The following GRID2 variants were observed in gnomAD, a reference collection of about 807,000 sequenced individuals.
The protein encoded by GRID2 is glutamate ionotropic receptor delta type subunit 2.
GRID2 carries 33 observed loss-of-function variants against 114.8 expected under a neutral mutation model. The ratio of observed to expected loss-of-function variants is 0.29; its 90% CI spans 0.22 to 0.38. The LOEUF is 0.38. Among genes scored for constraint, GRID2 ranks in the 10% least tolerant of loss-of-function variants. GRID2 has a pLI of 1.00. For synonymous variants in GRID2, 505 were observed against 449.9 expected (o/e 1.12, Z -1.55); for missense variants, 1,184 against 1,257.7 (o/e 0.94, Z 0.89).
intron 2 of GRID2, among the ~76,000 whole-genome samples, chr4:92,905,899 TTCAG>T (rs1257255946): frequency 6.6e-6 from 1 of 152,132 alleles, no homozygotes; most frequent in Admixed American, 6.5e-5. Flanking sequence ...ATTTATTAAT[TTCAG>T]TACTGAGTTC....
intron 8 of GRID2, among the ~76,000 whole-genome samples, chr4:93,371,516 G>C (rs1180053040): frequency 6.6e-6 from 1 of 152,028 alleles, no homozygotes; most frequent in African/African-American, 2.4e-5. Context: ...TGAAGGGAAG[G>C]CTCTAACTGG....
chr4:93,003,632 C>G (rs1371280943), intron 2 of GRID2, among the ~76,000 whole-genome samples: 1 of 151,840 alleles, frequency 6.6e-6, no homozygotes, highest in Admixed American at 6.6e-5. Flanking sequence ...ATTAGTCTGG[C>G]CATGTTAATA....
chr4:92,973,578 G>T (rs1753658237), intron 2 of GRID2, among the ~76,000 whole-genome samples: 1 of 152,074 alleles, frequency 6.6e-6, no homozygotes, highest in African/African-American at 2.4e-5. Context: ...AGTGAATTAG[G>T]TTTCGACTGG....
At chr4:93,555,157 G>A (rs1030994478) in intron 13 of GRID2, among the ~76,000 whole-genome samples, 6 of 152,094 alleles carry the variant, frequency 3.9e-5, no homozygotes, top group African/African-American at 1.4e-4. Flanking sequence ...CAGGGCCCTG[G>A]GTTTCAAGCA....
chr4:92,879,440 T>C (rs867069275), intron 2 of GRID2, among the ~76,000 whole-genome samples: 10 of 152,222 alleles, frequency 6.6e-5, no homozygotes, highest in Admixed American at 2.6e-4. Flanking sequence ...CCCTAATAAG[T>C]GCTAAGCAGT....
At chr4:93,091,748 A>C (rs1730810945) in intron 3 of GRID2, among the ~76,000 whole-genome samples, 1 of 152,162 alleles carries the variant, frequency 6.6e-6, no homozygotes, top group Non-Finnish European at 1.5e-5. Flanking sequence ...CTGCATGAAC[A>C]AGCTGTGTCC....
intron 2 of GRID2, among the ~76,000 whole-genome samples, chr4:92,739,419 G>A (rs17324185): frequency 0.27 from 41,752 of 151,962 alleles, 6,286 homozygotes; most frequent in Middle Eastern, 0.49. Context: ...TTAAACATAT[G>A]AGTAACATTT....
At chr4:92,641,202 A>AT (rs915581487) in intron 2 of GRID2, among the ~76,000 whole-genome samples, 194 of 151,778 alleles carry the variant, frequency 1.3e-3, no homozygotes, top group African/African-American at 4.3e-3. Flanking sequence ...ATGACAATTT[A>AT]TTTTTTTACT....
chr4:93,357,508 C>T (rs1761458713), intron 8 of GRID2, among the ~76,000 whole-genome samples: 1 of 151,054 alleles, frequency 6.6e-6, no homozygotes, highest in Non-Finnish European at 1.5e-5. Flanking sequence ...TATTAATTTT[C>T]CTTTTTATAG....
intron 2 of GRID2, among the ~76,000 whole-genome samples, chr4:92,970,968 A>C (rs1753472575): frequency 6.6e-6 from 1 of 151,730 alleles, no homozygotes; most frequent in African/African-American, 2.4e-5. Context: ...GTATATATAC[A>C]TCGTGCGTGT....
intron 3 of GRID2, among the ~76,000 whole-genome samples, chr4:93,101,183 G>A (rs546536948): frequency 6.6e-6 from 1 of 151,782 alleles, no homozygotes; most frequent in Non-Finnish European, 1.5e-5. Flanking sequence ...ATATTTTCAG[G>A]GTACATATGA....
intron 4 of GRID2, among the ~76,000 whole-genome samples, chr4:93,200,429 G>A (rs1340230524): frequency 3.9e-5 from 6 of 152,006 alleles, no homozygotes; most frequent in Non-Finnish European, 8.8e-5. Flanking sequence ...AGCCGGGCGT[G>A]GTAGCGGGCG....
intron 2 of GRID2, among the ~76,000 whole-genome samples, chr4:93,054,466 A>G (rs936364508): frequency 1.3e-5 from 2 of 151,768 alleles, no homozygotes; most frequent in Admixed American, 1.3e-4. Context: ...AAGTCATTGT[A>G]TATTTGTATA....
At chr4:93,188,960 T>G (rs769413539) in intron 4 of GRID2, among the ~76,000 whole-genome samples, 2 of 152,178 alleles carry the variant, frequency 1.3e-5, no homozygotes, top group Non-Finnish European at 2.9e-5. Context: ...AATATTCTGA[T>G]CACAACCATT....
chr4:93,362,659 C>T (rs1270266020), intron 8 of GRID2, among the ~76,000 whole-genome samples: 1 of 151,954 alleles, frequency 6.6e-6, no homozygotes, highest in African/African-American at 2.4e-5. Context: ...ACCCCTTTCT[C>T]ACAACAGAAA....
intron 10 of GRID2, among the ~76,000 whole-genome samples, chr4:93,432,235 A>G (rs1439080458): frequency 1.3e-5 from 2 of 152,210 alleles, no homozygotes; most frequent in Admixed American, 1.3e-4. Flanking sequence ...CAACAGTGTG[A>G]CTTTCTTCAG....
At chr4:93,373,272 C>G (rs1186387991) in intron 8 of GRID2, among the ~76,000 whole-genome samples, 4 of 152,010 alleles carry the variant, frequency 2.6e-5, no homozygotes, top group Non-Finnish European at 5.9e-5. Context: ...TTGTTATCCT[C>G]TCTCTTCTTT....
intron 2 of GRID2, among the ~76,000 whole-genome samples, chr4:92,722,974 T>A (rs1735882673): frequency 2.0e-5 from 3 of 152,136 alleles, no homozygotes; most frequent in Non-Finnish European, 4.4e-5. Context: ...AAAACAATCA[T>A]TAAAGACAAA....
rs536474322 is a variant in GRID2, at chr4:93,512,327, A to G, written c.1998-2889A>G. ...CCTACTATATTTCCTTTAAAGGCTC[A>G]TAATATAGGCTACAGCATTTCTGCT... On this transcript the variant is annotated intron_variant, in intron 12 of 15. Coordinates refer to ENST00000282020, the MANE Select transcript of GRID2 (RefSeq NM_001510.4). Among the ~76,000 whole-genome samples, 10 of 152,312 alleles carry G rather than the reference A, an allele frequency of 6.6e-5. No individual in the cohort carries two copies. The South Asian group carries it at 2.1e-3, about 32-fold the overall frequency.
Sources: allele counts gnomAD v4.1 joint callset (sites outside exome capture counted in the v4.1 genomes callset), GRCh38; gene constraint gnomAD v4.1.1; transcripts MANE v1.5; gene names NCBI Gene and HGNC (gene_info 2026-07-23, HGNC 2026-07-21).